ACVR1: variants seen among roughly 807,000 people sequenced by gnomAD.
ACVR1 encodes the protein activin A receptor type 1.
A neutral mutation model predicts 57.1 loss-of-function variants in ACVR1; 38 were observed. The observed-to-expected ratio is 0.67, with a 90% CI of 0.51 to 0.87. ACVR1 has a LOEUF of 0.87. ACVR1 is among the 40% of genes least tolerant of loss of function. The pLI is 0.00. For synonymous variants in ACVR1, 212 were observed against 228.1 expected (o/e 0.93, Z 0.63); for missense variants, 463 against 638.2 (o/e 0.73, Z 2.96).
At chr2:157,803,764 G>A (rs1193027593) in intron 2 of ACVR1, among the ~76,000 whole-genome samples, 1 of 151,974 alleles carries the variant, frequency 6.6e-6, no homozygotes, top group Non-Finnish European at 1.5e-5. Flanking sequence ...AAATGTTTTT[G>A]GTCTCAGAAT....
intron 2 of ACVR1, among the ~76,000 whole-genome samples, chr2:157,813,315 T>C (rs1307507973): frequency 6.6e-6 from 1 of 152,164 alleles, no homozygotes; most frequent in Middle Eastern, 3.2e-3. Flanking sequence ...GAATTTATAC[T>C]ATAAAAGAAA....
At chr2:157,865,821 A>AAGATAGATAGATAGATAGAT (rs57214423) in intron 1 of ACVR1, among the ~76,000 whole-genome samples, 113 of 137,026 alleles carry the variant, frequency 8.2e-4, no homozygotes, top group Middle Eastern at 3.7e-3. Context: ...AAAAAGAAAA[A>AAGATAGATAGATAGATAGAT]AGATAGATAG....
chr2:157,825,978 C>G (rs1688333889), intron 1 of ACVR1, among the ~76,000 whole-genome samples: 1 of 152,208 alleles, frequency 6.6e-6, no homozygotes, highest in African/African-American at 2.4e-5. Flanking sequence ...CCCATTGCAG[C>G]AGCACTCCAG....
chr2:157,805,094 C>G (rs183575583), intron 2 of ACVR1, among the ~76,000 whole-genome samples: 1 of 152,296 alleles, frequency 6.6e-6, no homozygotes, highest in East Asian at 1.9e-4. Flanking sequence ...CCATATCAGG[C>G]AATCTAAGTG....
intron 8 of ACVR1, among the ~76,000 whole-genome samples, chr2:157,764,917 T>C (rs1049373763): frequency 1.3e-5 from 2 of 152,030 alleles, no homozygotes; most frequent in Non-Finnish European, 2.9e-5. Flanking sequence ...AGGAAATAAA[T>C]TTTCCTAACA....
chr2:157,868,885 TGAAG>T (rs1465643982), intron 1 of ACVR1, among the ~76,000 whole-genome samples: 1 of 152,194 alleles, frequency 6.6e-6, no homozygotes, highest in East Asian at 1.9e-4. Context: ...CGGGAAAAGA[TGAAG>T]GAAGAGGAAA....
chr2:157,842,533 T>C (rs949876064), intron 1 of ACVR1, among the ~76,000 whole-genome samples: 7 of 152,180 alleles, frequency 4.6e-5, no homozygotes, highest in African/African-American at 1.7e-4. Flanking sequence ...AGTTCTTTCA[T>C]GCATCCAGCC....
chr2:157,857,818 G>A (rs1689587528), intron 1 of ACVR1, among the ~76,000 whole-genome samples: 1 of 152,318 alleles, frequency 6.6e-6, no homozygotes, highest in East Asian at 1.9e-4. Context: ...AGGGAAGATG[G>A]AGAGAAAAGG....
At chr2:157,851,648 CCT>C (rs1369393439) in intron 1 of ACVR1, among the ~76,000 whole-genome samples, 1 of 152,080 alleles carries the variant, frequency 6.6e-6, no homozygotes, top group Non-Finnish European at 1.5e-5. Flanking sequence ...GCCAAAAAAC[CCT>C]CTGTCAGTCA....
At chr2:157,869,874 C>T (rs952046299) in intron 1 of ACVR1, among the ~76,000 whole-genome samples, 6 of 152,192 alleles carry the variant, frequency 3.9e-5, no homozygotes, top group Non-Finnish European at 8.8e-5. Context: ...TAACCACCTA[C>T]ACTTTCACTC....
chr2:157,818,715 A>G (rs1182790115), intron 1 of ACVR1, among the ~76,000 whole-genome samples, 156 bp from the exon 2 acceptor site: 1 of 152,234 alleles, frequency 6.6e-6, no homozygotes, highest in African/African-American at 2.4e-5. Flanking sequence ...AAAAGTTTGA[A>G]AACACTGATA....
intron 4 of ACVR1, among the ~76,000 whole-genome samples, chr2:157,778,800 A>G (rs1042868899): frequency 1.3e-5 from 2 of 152,016 alleles, no homozygotes; most frequent in South Asian, 4.2e-4. Context: ...ATTTTTTTAC[A>G]TCACAATTTC....
intron 7 of ACVR1, among the ~76,000 whole-genome samples, chr2:157,768,671 T>C (rs1051481614): frequency 6.6e-6 from 1 of 152,234 alleles, no homozygotes; most frequent in Non-Finnish European, 1.5e-5. Context: ...TAACTACCTT[T>C]GCTTCATGAT....
At chr2:157,809,565 G>A (rs540462931) in intron 2 of ACVR1, among the ~76,000 whole-genome samples, 10 of 152,094 alleles carry the variant, frequency 6.6e-5, no homozygotes, top group Non-Finnish European at 1.3e-4. Flanking sequence ...GATGGATACC[G>A]GGTGGAGAGA....
intron 1 of ACVR1, among the ~76,000 whole-genome samples, chr2:157,832,557 T>C (rs889981468): frequency 7.2e-5 from 11 of 152,298 alleles, no homozygotes; most frequent in Middle Eastern, 3.4e-3. Flanking sequence ...TACATAAATC[T>C]CTGGACTCTT....
chr2:157,747,150 T>C (rs1001042978), intron 9 of ACVR1, among the ~76,000 whole-genome samples: 7 of 152,232 alleles, frequency 4.6e-5, no homozygotes, highest in African/African-American at 1.7e-4. Flanking sequence ...AGATACATTT[T>C]ATATGCAATA....
intron 7 of ACVR1, among the ~76,000 whole-genome samples, chr2:157,766,751 G>T (rs980271090): frequency 7.9e-5 from 12 of 152,172 alleles, no homozygotes; most frequent in African/African-American, 2.9e-4. Context: ...AAATATATGA[G>T]TATTTATGAT....
rs149474552 is a variant in ACVR1, at chr2:157,863,495, G to A, written c.-183+12301C>T. 3.8e-3 allele frequency among the ~76,000 whole-genome samples: 573 copies of A among 150,492 alleles called. 2 individuals are homozygous for A. The highest frequency in any genetic ancestry group is 0.013 in the African/African-American group (536 of 41,110). On this transcript the variant is annotated intron_variant, in intron 1 of 10. Transcript: ENST00000434821. ...GCGGATCACCTGTGGTCAGGAGTTC[G>A]AGACCAGCCTGGCCAACAGGGCAAA...
At chr2:157,815,118 C>T (rs1367225126) in intron 2 of ACVR1, among the ~76,000 whole-genome samples, 3 of 152,028 alleles carry the variant, frequency 2.0e-5, no homozygotes, top group African/African-American at 7.2e-5. Context: ...AAGAATGCAG[C>T]GCTACTATGG....
Sources: allele counts gnomAD v4.1 joint callset (sites outside exome capture counted in the v4.1 genomes callset), GRCh38; gene constraint gnomAD v4.1.1; transcripts MANE v1.5; gene names NCBI Gene and HGNC (gene_info 2026-07-23, HGNC 2026-07-21).